The following ATM variants were observed in gnomAD, a reference collection of about 807,000 sequenced individuals.
ATM encodes the protein serine-protein kinase ATM.
In ATM, 308 loss-of-function variants were observed where a neutral mutation model predicts 387.0. That is an observed-to-expected ratio of 0.80 (90% CI 0.73 to 0.87). The LOEUF (loss-of-function observed/expected upper bound fraction) is 0.87. ATM is among the 40% of genes least tolerant of loss of function. The pLI, the probability that ATM is intolerant of heterozygous loss-of-function variation, is 0.00. For synonymous variants in ATM, 1,156 were observed against 1,187.3 expected (o/e 0.97, Z 0.54); for missense variants, 3,312 against 3,560.9 (o/e 0.93, Z 1.78).
At chr11:108,328,029 T>A (rs2085857465) in intron 48 of ATM, among the ~76,000 whole-genome samples, 1 of 152,160 alleles carries the variant, frequency 6.6e-6, no homozygotes, top group South Asian at 2.1e-4. Flanking sequence ...TTGCTTCTGA[T>A]CATTTCTTCA....
In ATM at chr11:108,318,030, G is replaced by T. The variant is rs185605042; in HGVS notation, c.6347+509G>T. Reference sequence around the variant, plus strand: ...TATATTGGCTGGAGGATCCACAAAGGACTGCTTATCTTTATTTATGAAATA... The same window carrying T: ...TATATTGGCTGGAGGATCCACAAAGTACTGCTTATCTTTATTTATGAAATA... On this transcript the variant is annotated intron_variant, in intron 43 of 62. Coordinates refer to ENST00000675843, the MANE Select transcript of ATM (RefSeq NM_000051.4). Among the ~76,000 whole-genome samples the T allele has an allele frequency of 3.9e-5, 6 of 152,080 alleles. No homozygotes were observed. In the South Asian group the frequency reaches 1.2e-3, roughly 32 times the overall value.
At chr11:108,364,950 G>A in intron 61 of ATM, 132 bp from the exon 62 acceptor site, 1 of 948,696 alleles carries the variant, frequency 1.1e-6, no homozygotes, top group Non-Finnish European at 1.6e-6. Flanking sequence ...CATGAAGTGT[G>A]CATGATGTTT....
rs2091353411 is a variant in ATM at position 108,366,751 on chromosome 11, T to C, written c.*1243T>C. The stretch of plus-strand genomic sequence containing the variant: ...CTTCCTCCTCATCTCCTTGTGCTAG[T>C]GGGCAGAATATTTGATTGATGCCTT... On this transcript the variant is annotated 3_prime_UTR_variant, in exon 63 of 63. Coordinates refer to ENST00000675843, the MANE Select transcript of ATM (RefSeq NM_000051.4). 4.3e-6 allele frequency: 1 copy of C among 231,000 alleles called. No individual in the cohort carries two copies. The highest frequency in any genetic ancestry group is 8.6e-6 in the Non-Finnish European group (1 of 116,644). 14.3% of individuals were successfully genotyped at this position (231,000 alleles called of 1,614,324 possible).
At chr11:108,240,366 C>G (rs144671883) in intron 5 of ATM, among the ~76,000 whole-genome samples, 1 of 152,140 alleles carries the variant, frequency 6.6e-6, no homozygotes, top group Admixed American at 6.6e-5. Flanking sequence ...TTTGCTATCT[C>G]CATGGTTTAG....
At chr11:108,289,832 C>T (rs1212898884) in intron 29 of ATM, 31 bp downstream of exon 29, 1 of 1,581,614 alleles carries the variant, frequency 6.3e-7, no homozygotes. Context: ...AATATATAAG[C>T]AGTCTTTCTA....
intron 61 of ATM, among the ~76,000 whole-genome samples, chr11:108,364,729 A>T (rs938945787): frequency 2.0e-5 from 3 of 152,210 alleles, no homozygotes; most frequent in African/African-American, 7.2e-5. Context: ...GCCTGGGCTG[A>T]GGAAGAATTG....
In ATM at chr11:108,319,900, T is replaced by C. The variant is rs116924981; in HGVS notation, c.6348-54T>C. ...CCTTTGGTGAAGCTATTTATACATG[T>C]ATATCTTAGGGTTCTGTTTTTAAGT... is the stretch of plus-strand genomic sequence containing the variant. On this transcript the variant is annotated intron_variant, in intron 43 of 62. Transcript: ENST00000675843. 6,340 of 1,262,704 alleles carry C rather than the reference T, an allele frequency of 5.0e-3. 26 individuals carry two copies. The highest frequency in any genetic ancestry group is 7.8e-3 in the Middle Eastern group (39 of 4,992). 78.2% of individuals were successfully genotyped at this position (1,262,704 alleles called of 1,614,324 possible).
chr11:108,351,718 C>G (rs1319292294), intron 59 of ATM, among the ~76,000 whole-genome samples: 5 of 152,198 alleles, frequency 3.3e-5, no homozygotes, highest in Non-Finnish European at 5.9e-5. Flanking sequence ...CTGCAACTTG[C>G]ACAGTATCAC....
chr11:108,276,123 G>C (rs2081934911), intron 22 of ATM, among the ~76,000 whole-genome samples: 3 of 152,020 alleles, frequency 2.0e-5, no homozygotes, highest in African/African-American at 7.2e-5. Flanking sequence ...TTCAATCTCT[G>C]ATATCCTTTC....
intron 51 of ATM, 113 bp downstream of exon 51, chr11:108,331,670 A>G (rs1038967277): frequency 7.2e-7 from 1 of 1,390,684 alleles, no homozygotes; most frequent in African/African-American, 1.5e-5. Flanking sequence ...AAAATTTTGT[A>G]TTTTTTGTCT....
At chr11:108,352,549 A>C (rs1378290660) in intron 59 of ATM, among the ~76,000 whole-genome samples, 4 of 152,188 alleles carry the variant, frequency 2.6e-5, no homozygotes, top group African/African-American at 9.6e-5. Context: ...CAAAAGAACA[A>C]TCTTTAAGAA....
In ATM at chr11:108,262,265, T is replaced by C. The variant is rs183278280; in HGVS notation, c.2466+3190T>C. On this transcript the variant is annotated intron_variant, in intron 16 of 62. Transcript: ENST00000675843. ...CGGGTTACCCTGAGAGGGAAGCACA[T>C]CAGACTAACAGCGGATCTCTCCGCA... 1.2e-4 allele frequency among the ~76,000 whole-genome samples: 18 copies of C among 152,316 alleles called. No individual in the cohort carries two copies. The East Asian group carries it at 3.5e-3, about 29-fold the overall frequency.
At chr11:108,266,681 A>G (rs1565414659) in intron 16 of ATM, among the ~76,000 whole-genome samples, 1 of 152,128 alleles carries the variant, frequency 6.6e-6, no homozygotes. Flanking sequence ...TTTGTTATGT[A>G]GACATATTAC....
Position 108,267,310 on chromosome 11 carries a change from C to G in ATM, c.2606C>G (p.Ala869Gly), listed in dbSNP as rs145513717. 32 of 1,614,024 alleles carry G rather than the reference C, an allele frequency of 2.0e-5. No homozygotes were observed. In the African/African-American group the frequency reaches 3.7e-4, roughly 19 times the overall value. Residue 869 changes from alanine to glycine, a missense_variant, in exon 17 of 63, where the codon GCA becomes GGA. Around this residue, in one of 4 missense-constraint regions of ATM, gnomAD observed 1,791 missense variants for 1,804.5 expected, o/e 0.99. Coordinates refer to ENST00000675843, the MANE Select transcript of ATM (RefSeq NM_000051.4). Reference sequence around the variant, plus strand: ...TACCCTGATAGTAGTGTTAGTGATGCAAACGAACCTGGAGAGAGCCAAAGT... The same window carrying G: ...TACCCTGATAGTAGTGTTAGTGATGGAAACGAACCTGGAGAGAGCCAAAGT... ...NDYPDSSVSDANEPGESQSTI... is the reference protein window; with the variant it reads ...NDYPDSSVSDGNEPGESQSTI...
intron 16 of ATM, among the ~76,000 whole-genome samples, 185 bp from the exon 17 acceptor site, chr11:108,266,986 A>T (rs934676488): frequency 6.6e-6 from 1 of 151,838 alleles, no homozygotes. Context: ...AATAGAGACA[A>T]GGTTTCACCA....
intron 5 of ATM, among the ~76,000 whole-genome samples, chr11:108,236,840 T>C: frequency 6.6e-6 from 1 of 152,174 alleles, no homozygotes; most frequent in East Asian, 1.9e-4. Context: ...GAGATTGAAA[T>C]ACTTCAGTTT....
chr11:108,308,015 A>G lies in ATM; in HGVS notation c.5762+31A>G, dbSNP rs371707930. 1.9e-6 allele frequency: 3 copies of G among 1,563,456 alleles called. No homozygotes were observed. The South Asian group carries it at 3.3e-5, about 17-fold the overall frequency. The stretch of plus-strand genomic sequence containing the variant: ...GTAATGAGTGTTGCTTCTTACGTTT[A>G]GGATCTAGAGTGTAACTTGTTAACT... On this transcript the variant is annotated intron_variant, in intron 38 of 62. Coordinates refer to ENST00000675843, the MANE Select transcript of ATM (RefSeq NM_000051.4).
At chr11:108,301,545 T>C in intron 34 of ATM, 103 bp from the exon 35 acceptor site, 1 of 1,414,360 alleles carries the variant, frequency 7.1e-7, no homozygotes, top group South Asian at 1.2e-5. Context: ...AGTTTCCTAA[T>C]ACAAATTTTA....
At chr11:108,334,935 G>T (rs2136649489) in intron 54 of ATM, 34 bp from the exon 55 acceptor site, 1 of 1,594,586 alleles carries the variant, frequency 6.3e-7, no homozygotes, top group South Asian at 1.1e-5. Flanking sequence ...TAGTGTATCT[G>T]ACCTATTATC....
Sources: gnomAD v4.1 joint callset for allele counts (sites outside exome capture counted in the v4.1 genomes callset) on GRCh38, gnomAD v4.1.1 for gene constraint, gnomAD v4.1.1 regional missense constraint, MANE v1.5 for transcripts, NCBI Gene and HGNC (gene_info 2026-07-23, HGNC 2026-07-21) for gene names.